The following LRP1B variants were observed in gnomAD, a reference collection of about 807,000 sequenced individuals.
LRP1B encodes low-density lipoprotein receptor-related protein 1B.
LRP1B carries 217 observed loss-of-function variants against 556.6 expected under a neutral mutation model. The observed-to-expected ratio is 0.39, with a 90% CI of 0.35 to 0.44. The LOEUF (loss-of-function observed/expected upper bound fraction) is 0.44, where lower values mean the gene tolerates loss of function less well. Ranked by LOEUF, LRP1B falls within the 20% of genes least tolerant of loss-of-function variation. The pLI is 1.00. For synonymous variants in LRP1B, 2,047 were observed against 1,865.8 expected, an observed-to-expected ratio of 1.10 and a Z score of -2.50; for missense variants, 5,053 against 5,620.8, an observed-to-expected ratio of 0.90 and a Z score of 3.23.
intron 41 of LRP1B, among the ~76,000 whole-genome samples, chr2:140,629,473 A>C (rs552769191): frequency 2.6e-5 from 4 of 151,526 alleles, no homozygotes; most frequent in African/African-American, 9.7e-5. Flanking sequence ...TACCAGTATA[A>C]AAACAGGCTT....
rs1395322415 is a variant in LRP1B, at chr2:140,855,232, T to C, written c.4580-3449A>G. ...CAACTCTCTTCAATTCTATGGTCAC[T>C]GGCTCAATTTAGGTTTTCTCCATTT... On this transcript the variant is annotated intron_variant, in intron 27 of 90. Transcript: ENST00000389484. 1.7e-4 allele frequency among the ~76,000 whole-genome samples: 26 copies of C among 151,884 alleles called. 1 individual carries two copies. The highest frequency in any genetic ancestry group is 1.7e-3 in the Admixed American group (26 of 15,204).
chr2:141,505,827 C>T (rs185954738), intron 2 of LRP1B, among the ~76,000 whole-genome samples: 1 of 152,176 alleles, frequency 6.6e-6, no homozygotes. Flanking sequence ...TCTGAATGTT[C>T]TAACTATGTC....
intron 57 of LRP1B, among the ~76,000 whole-genome samples, chr2:140,488,629 T>G (rs138602764): frequency 0.037 from 5,623 of 152,104 alleles, 154 homozygotes; most frequent in Non-Finnish European, 0.047. Flanking sequence ...TTGTTAAAGA[T>G]TATACATTTA....
intron 35 of LRP1B, among the ~76,000 whole-genome samples, chr2:140,742,617 T>A (rs187178686): frequency 2.0e-4 from 30 of 152,094 alleles, no homozygotes; most frequent in Admixed American, 7.9e-4. Flanking sequence ...AATTTTTTTT[T>A]ATTAGAGATG....
At chr2:140,748,791 ATT>A (rs1688455856) in intron 35 of LRP1B, among the ~76,000 whole-genome samples, 1 of 45,936 alleles carries the variant, frequency 2.2e-5, no homozygotes, top group Non-Finnish European at 4.8e-5. Flanking sequence ...TATAATATAT[ATT>A]ATATACATAT....
intron 60 of LRP1B, among the ~76,000 whole-genome samples, chr2:140,472,141 G>A (rs943073908): frequency 6.6e-6 from 1 of 152,096 alleles, no homozygotes; most frequent in Admixed American, 6.5e-5. Flanking sequence ...ATTCTCTGAA[G>A]GTAGAGACTC....
chr2:140,957,957 T>C (rs1695922365), intron 18 of LRP1B, among the ~76,000 whole-genome samples: 2 of 151,508 alleles, frequency 1.3e-5, no homozygotes, highest in South Asian at 4.1e-4. Context: ...CACAAGGCTA[T>C]AATCAGTCAC....
chr2:141,985,735 G>T (rs867947250), intron 1 of LRP1B, among the ~76,000 whole-genome samples: 7 of 151,616 alleles, frequency 4.6e-5, no homozygotes, highest in African/African-American at 1.5e-4. Flanking sequence ...TTCATTAGAT[G>T]CTGCCAATAT....
intron 1 of LRP1B, among the ~76,000 whole-genome samples, chr2:141,842,423 T>C (rs903577220): frequency 2.6e-5 from 4 of 152,092 alleles, no homozygotes; most frequent in Admixed American, 6.5e-5. Context: ...ACCTTACTTT[T>C]CAAATAGGTA....
intron 1 of LRP1B, among the ~76,000 whole-genome samples, chr2:141,847,442 A>AT (rs554627688): frequency 3.3e-5 from 5 of 151,532 alleles, no homozygotes; most frequent in Admixed American, 6.6e-5. Flanking sequence ...TAGACAACTG[A>AT]TTTTTTTTAA....
chr2:141,544,362 T>TTCTTCC (rs2105217883), intron 2 of LRP1B, among the ~76,000 whole-genome samples: 1 of 99,608 alleles, frequency 1.0e-5, no homozygotes, highest in South Asian at 3.9e-4. Context: ...CTTCTTCTTC[T>TTCTTCC]TCTTCTTCTT....
intron 1 of LRP1B, among the ~76,000 whole-genome samples, chr2:142,046,248 A>T (rs1468584558): frequency 6.6e-6 from 1 of 151,908 alleles, no homozygotes; most frequent in Non-Finnish European, 1.5e-5. Flanking sequence ...TAAGTATAGC[A>T]TGTGGCCATG....
chr2:140,981,529 A>G (rs959132569), intron 18 of LRP1B, among the ~76,000 whole-genome samples: 6 of 152,150 alleles, frequency 3.9e-5, no homozygotes, highest in African/African-American at 7.2e-5. Flanking sequence ...ATACTGATGC[A>G]TGAGTACAAT....
At chr2:141,037,138 GA>G (rs1369054730) in intron 11 of LRP1B, among the ~76,000 whole-genome samples, 1 of 151,916 alleles carries the variant, frequency 6.6e-6, no homozygotes, top group Non-Finnish European at 1.5e-5. Context: ...TGACATGCAG[GA>G]AATATTGAAA....
At chr2:141,566,362 T>C (rs1283303943) in intron 2 of LRP1B, among the ~76,000 whole-genome samples, 1 of 152,162 alleles carries the variant, frequency 6.6e-6, no homozygotes, top group Non-Finnish European at 1.5e-5. Context: ...ATGTTGAGAA[T>C]TACGTAAAGT....
intron 65 of LRP1B, 104 bp downstream of exon 65, chr2:140,444,226 T>C (rs1686553498): frequency 4.9e-6 from 6 of 1,230,284 alleles, no homozygotes; most frequent in African/African-American, 1.5e-5. Context: ...TAATTTCTTT[T>C]CAATTTATCT....
chr2:142,014,342 G>T (rs569212607), intron 1 of LRP1B, among the ~76,000 whole-genome samples: 3 of 152,230 alleles, frequency 2.0e-5, no homozygotes, highest in African/African-American at 7.2e-5. Context: ...ATTTTTTATG[G>T]CTTTAGTCTG....
chr2:141,153,717 T>C (rs1701996458), intron 7 of LRP1B, among the ~76,000 whole-genome samples: 1 of 149,518 alleles, frequency 6.7e-6, no homozygotes, highest in Admixed American at 6.8e-5. Context: ...AGTAAAATCT[T>C]GAACACGTGG....
At chr2:141,139,858 A>G (rs1341718784) in intron 7 of LRP1B, among the ~76,000 whole-genome samples, 2 of 151,658 alleles carry the variant, frequency 1.3e-5, no homozygotes, top group African/African-American at 4.8e-5. Flanking sequence ...ATTTACCAAG[A>G]AAAAAGGAAG....
Sources: gnomAD v4.1 joint callset for allele counts (sites outside exome capture counted in the v4.1 genomes callset) on GRCh38, gnomAD v4.1.1 for gene constraint, MANE v1.5 for transcripts, NCBI Gene and HGNC (gene_info 2026-07-23, HGNC 2026-07-21) for gene names.